The following ROCK2 variants were observed in gnomAD, a reference collection of about 807,000 sequenced individuals.
ROCK2 encodes rho-associated protein kinase 2.
A neutral mutation model predicts 195.1 loss-of-function variants in ROCK2; 61 were observed. That is an observed-to-expected ratio of 0.31 (90% CI 0.25 to 0.39). The LOEUF (loss-of-function observed/expected upper bound fraction) is 0.39, where lower values mean the gene tolerates loss of function less well. Ranked by LOEUF, ROCK2 falls within the 10% of genes least tolerant of loss-of-function variation. ROCK2 has a pLI of 1.00. For synonymous variants in ROCK2, 504 were observed against 545.5 expected, an observed-to-expected ratio of 0.92 and a Z score of 1.06; for missense variants, 1,109 against 1,637.4, an observed-to-expected ratio of 0.68 and a Z score of 5.57.
chr2:11,287,079 G>A (rs1027092129), intron 2 of ROCK2, among the ~76,000 whole-genome samples: 2 of 152,154 alleles, frequency 1.3e-5, no homozygotes, highest in Non-Finnish European at 2.9e-5. Flanking sequence ...CTATAGATAA[G>A]ATTGTTTAAT....
At chr2:11,211,468 GT>G (rs1160934063) in intron 18 of ROCK2, among the ~76,000 whole-genome samples, 4 of 152,096 alleles carry the variant, frequency 2.6e-5, no homozygotes, top group African/African-American at 9.7e-5. Flanking sequence ...GTAATTTTGT[GT>G]TTGGGTCTTA....
At position 11,180,759 on chromosome 2, in the gene ROCK2, G is replaced by A. The variant is rs964837009; in HGVS notation, c.*2678C>T. 1.3e-5 allele frequency: 2 copies of A among 152,134 alleles called. No individual in the cohort carries two copies. Among genetic ancestry groups the A allele is most frequent in the African/African-American group, 2.4e-5 (1 of 41,428 alleles). The allele number at this position is 152,134 out of a possible 1,614,324, so 9.4% of individuals were successfully genotyped here. ...CAGGGCCTCAAGAAAAACGAGAAAC[G>A]AGCACAAAATCAGGTTGTTTTATAT... On this transcript the variant is annotated 3_prime_UTR_variant, in exon 33 of 33. Coordinates refer to ENST00000315872, the MANE Select transcript of ROCK2 (RefSeq NM_004850.5).
chr2:11,337,101 C>T (rs866732592), intron 1 of ROCK2, among the ~76,000 whole-genome samples: 3 of 151,884 alleles, frequency 2.0e-5, no homozygotes, highest in Admixed American at 6.6e-5. Flanking sequence ...AATAATTAGC[C>T]GGGTGTGGTG....
rs1331434925 is a variant in ROCK2, at chr2:11,181,262, T to C, written c.*2175A>G. ...CTCCCATAATGTAACAAAATCTTTA[T>C]ATAAAATATTAATTCAGTCTCCTTT... On this transcript the variant is annotated 3_prime_UTR_variant, in exon 33 of 33. Transcript: ENST00000315872. The C allele has an allele frequency of 6.7e-6, 1 of 149,556 alleles. No homozygotes were observed. Among genetic ancestry groups the C allele is most frequent in the Non-Finnish European group, 1.5e-5 (1 of 67,442 alleles). The allele number at this position is 149,556 out of a possible 1,614,324, so 9.3% of individuals were successfully genotyped here. A position where few individuals can be genotyped will look rare whatever the true frequency, so the allele number is the denominator to read the frequency against.
At chr2:11,241,438 A>C (rs535633563) in intron 4 of ROCK2, among the ~76,000 whole-genome samples, 1 of 152,256 alleles carries the variant, frequency 6.6e-6, no homozygotes, top group Admixed American at 6.5e-5. Context: ...AAAACATTTA[A>C]AGAGATAATG....
chr2:11,211,815 A>C lies in ROCK2; in HGVS notation c.2069T>G (p.Met690Arg). Residue 690 changes from methionine (M) to arginine (R), a missense_variant, in exon 18 of 33, where the codon ATG becomes AGG. Coordinates refer to ENST00000315872, the MANE Select transcript of ROCK2 (RefSeq NM_004850.5). ...EKEKSNMEID[M>R]TYQLKVIQQS... ...CTGTATAACTTTTAGTTGGTATGTC[A>C]TATCTATTTCCATGTTGCTTTTTTC... is the stretch of plus-strand genomic sequence containing the variant. 3 of 1,602,190 alleles carry C rather than the reference A, an allele frequency of 1.9e-6. No individual in the cohort carries two copies. Among genetic ancestry groups the C allele is most frequent in the Non-Finnish European group, 2.6e-6 (3 of 1,176,234 alleles).
At chr2:11,297,005 G>T (rs1404442377) in intron 1 of ROCK2, among the ~76,000 whole-genome samples, 1 of 152,090 alleles carries the variant, frequency 6.6e-6, no homozygotes, top group Non-Finnish European at 1.5e-5. Context: ...ATCTGGGAAA[G>T]ATTAGATATA....
rs371368405 is a variant in ROCK2 at position 11,224,342 on chromosome 2, G to T, written c.987C>A (p.Ile329=). The change falls in exon 7 of 33, where the codon ATC becomes ATA. Residue 329 remains isoleucine, a synonymous_variant. Transcript: ENST00000315872. The stretch of plus-strand genomic sequence containing the variant: ...ATTACCTATCTGTTAAGAAAGCACA[G>T]ATGAGATTCTTTGCATGTTTGGAAA... ...AEISKHAKNL[I]CAFLTDREVR... The T allele has an allele frequency of 2.2e-5, 36 of 1,612,930 alleles. No individual in the cohort carries two copies. The highest frequency in any genetic ancestry group is 2.9e-5 in the Non-Finnish European group (34 of 1,179,390).
At chr2:11,329,480 A>C (rs201531184) in intron 1 of ROCK2, among the ~76,000 whole-genome samples, 16 of 147,074 alleles carry the variant, frequency 1.1e-4, no homozygotes, top group Non-Finnish European at 2.0e-4. Context: ...AAAAAAAAAA[A>C]CCGTAACTTC....
chr2:11,213,617 C>T (rs1664324093), intron 17 of ROCK2, among the ~76,000 whole-genome samples: 1 of 93,036 alleles, frequency 1.1e-5, no homozygotes, highest in African/African-American at 3.1e-5. Flanking sequence ...GACTCCCACT[C>T]TATACTCCAG....
At chr2:11,255,478 C>A (rs992323386) in intron 3 of ROCK2, among the ~76,000 whole-genome samples, 2 of 150,150 alleles carry the variant, frequency 1.3e-5, no homozygotes, top group African/African-American at 5.0e-5. Flanking sequence ...AAAAAGCAGT[C>A]AATAGAAAAT....
chr2:11,344,738 C>G (rs543096124), upstream of ROCK2, among the ~76,000 whole-genome samples: 5 of 149,086 alleles, frequency 3.4e-5, no homozygotes, highest in African/African-American at 1.2e-4. This position sits in a 1 kb window ranked among gnomAD's most constrained non-coding sequence, Gnocchi z 5.4. Context: ...GCCCCGCGCA[C>G]CGCGCTTCCT....
intron 1 of ROCK2, among the ~76,000 whole-genome samples, chr2:11,309,541 A>C (rs1451729911): frequency 1.3e-5 from 2 of 152,238 alleles, no homozygotes; most frequent in Non-Finnish European, 2.9e-5. Context: ...TTTCCAATAG[A>C]AACAGTATTG....
chr2:11,322,181 T>C (rs902676740), intron 1 of ROCK2, among the ~76,000 whole-genome samples: 3 of 152,122 alleles, frequency 2.0e-5, no homozygotes, highest in Non-Finnish European at 4.4e-5. Context: ...TAAATTTCCG[T>C]TATTTAAGCC....
upstream of ROCK2, among the ~76,000 whole-genome samples, chr2:11,345,004 CG>C (rs1669255920): frequency 6.6e-6 from 1 of 151,104 alleles, no homozygotes; most frequent in South Asian, 2.1e-4. Flanking sequence ...CCCAGCGCAC[CG>C]TGCGCTGGGG....
chr2:11,204,554 C>T (rs1663980423), intron 20 of ROCK2, among the ~76,000 whole-genome samples: 3 of 152,106 alleles, frequency 2.0e-5, no homozygotes. Context: ...AATTCTTATT[C>T]GCTGGGTGCT....
intron 3 of ROCK2, among the ~76,000 whole-genome samples, chr2:11,265,654 C>T (rs769771456): frequency 7.9e-5 from 12 of 152,094 alleles, no homozygotes; most frequent in South Asian, 6.2e-4. Flanking sequence ...GGTTTTAACA[C>T]GTTTTTCCAC....
intron 3 of ROCK2, among the ~76,000 whole-genome samples, chr2:11,276,790 T>C (rs937667712): frequency 4.6e-5 from 7 of 152,200 alleles, no homozygotes; most frequent in African/African-American, 1.7e-4. Context: ...CTGGTGTGTG[T>C]GTATGTATAC....
At chr2:11,295,830 G>A (rs757044811) in intron 1 of ROCK2, among the ~76,000 whole-genome samples, 7 of 152,126 alleles carry the variant, frequency 4.6e-5, no homozygotes, top group East Asian at 3.9e-4. Flanking sequence ...GGTGGTACAC[G>A]CCTGTAATCC....
Sources: gnomAD v4.1 joint callset for allele counts (sites outside exome capture counted in the v4.1 genomes callset) on GRCh38, gnomAD v4.1.1 for gene constraint, Gnocchi (gnomAD v3.1) non-coding constraint, MANE v1.5 for transcripts, NCBI Gene and HGNC (gene_info 2026-07-23, HGNC 2026-07-21) for gene names.